POC1B: variants seen among roughly 807,000 people sequenced by gnomAD.
The protein encoded by POC1B is POC1 centriolar protein B.
In POC1B, 44 loss-of-function variants were observed where a neutral mutation model predicts 60.6. That is an observed-to-expected ratio of 0.73 (90% CI 0.57 to 0.93). POC1B has a LOEUF of 0.93. Ranked by LOEUF, POC1B falls within the 40% of genes least tolerant of loss-of-function variation. The pLI, the probability that POC1B is intolerant of heterozygous loss-of-function variation, is 0.00. For synonymous variants in POC1B, 180 were observed against 198.9 expected, an observed-to-expected ratio of 0.90 and a Z score of 0.80; for missense variants, 555 against 572.3, an observed-to-expected ratio of 0.97 and a Z score of 0.31.
chr12:89,522,033 A>C (rs1232601917), intron 2 of POC1B: 1 of 398,928 alleles, frequency 2.5e-6, no homozygotes, highest in African/African-American at 2.1e-5. Flanking sequence ...AACTTAAGGA[A>C]GTGCAATCAG....
chr12:89,482,708 C>T (rs537321224), intron 4 of POC1B, among the ~76,000 whole-genome samples: 3 of 152,134 alleles, frequency 2.0e-5, no homozygotes, highest in Non-Finnish European at 4.4e-5. Flanking sequence ...CACTGGGTAG[C>T]ATATAAACAA....
intron 2 of POC1B, among the ~76,000 whole-genome samples, chr12:89,509,203 A>G (rs1436613131): frequency 6.6e-6 from 1 of 152,188 alleles, no homozygotes; most frequent in Non-Finnish European, 1.5e-5. Flanking sequence ...TCATTTACTT[A>G]TTTTTATCAG....
intron 2 of POC1B, chr12:89,522,677 C>T: frequency 8.6e-7 from 1 of 1,168,072 alleles, no homozygotes. Context: ...CCAAAATGAA[C>T]CCCAGCTTTC....
intron 2 of POC1B, chr12:89,522,485 T>C (rs1276251020): frequency 2.9e-6 from 1 of 347,802 alleles, no homozygotes; most frequent in Non-Finnish European, 5.1e-6. Flanking sequence ...TCATTTTACT[T>C]GGACCTTTAC....
At position 89,499,006 on chromosome 12, in the gene POC1B, T is replaced by C. The variant is rs140138482; in HGVS notation, c.101-1664A>G. Among the ~76,000 whole-genome samples the C allele has an allele frequency of 8.6e-3, 1,302 of 152,180 alleles. 16 individuals carry two copies. The highest frequency in any genetic ancestry group is 0.014 in the Non-Finnish European group (950 of 68,016). ...CATTTGAGCAGAGAGGTGAGTGAAA[T>C]AGGGAGCGATCCTGGCTGAGACATG... On this transcript the variant is annotated intron_variant, in intron 2 of 11. Coordinates refer to ENST00000313546, the MANE Select transcript of POC1B (RefSeq NM_172240.3).
Position 89,421,516 on chromosome 12 carries a change from A to C in POC1B, c.1333-259T>G, listed in dbSNP as rs148724911. ...TTGAGAAAAAAAGCAGTGGAAGATCAGACCTCTTATGCCTGATCTTCTAAA... is the reference window on the plus strand; with the variant it reads ...TTGAGAAAAAAAGCAGTGGAAGATCCGACCTCTTATGCCTGATCTTCTAAA... On this transcript the variant is annotated intron_variant, in intron 11 of 11. Coordinates refer to ENST00000313546, the MANE Select transcript of POC1B (RefSeq NM_172240.3). Among the ~76,000 whole-genome samples, 288 of 152,350 alleles carry C rather than the reference A, an allele frequency of 1.9e-3. 1 individual carries two copies. Among genetic ancestry groups the C allele is most frequent in the African/African-American group, 6.6e-3 (274 of 41,586 alleles).
At chr12:89,416,494 C>T (rs1399105461), downstream of POC1B, among the ~76,000 whole-genome samples, 6 of 152,088 alleles carry the variant, frequency 3.9e-5, no homozygotes, top group Admixed American at 6.5e-5. Flanking sequence ...AAAATAACCT[C>T]GAAAAGGTAA....
At chr12:89,456,006 TTTGTTGTTGTTGTTGTTG>T (rs57046085) in intron 10 of POC1B, among the ~76,000 whole-genome samples, 2 of 148,206 alleles carry the variant, frequency 1.3e-5, no homozygotes, top group African/African-American at 5.0e-5. Context: ...AAAACTCTTT[TTTGTTGTTGTTGTTGTTG>T]TTGTTGTTGT....
At chr12:89,501,664 C>T (rs924656788) in intron 2 of POC1B, 27 of 1,113,242 alleles carry the variant, frequency 2.4e-5, no homozygotes, top group South Asian at 3.9e-5. Flanking sequence ...CACGAGAAGT[C>T]GAAGAATTTC....
At chr12:89,440,016 T>A (rs1881443966) in intron 10 of POC1B, among the ~76,000 whole-genome samples, 1 of 152,206 alleles carries the variant, frequency 6.6e-6, no homozygotes, top group Admixed American at 6.5e-5. Context: ...ACATTCATAC[T>A]TTCACAGTTT....
intron 10 of POC1B, among the ~76,000 whole-genome samples, chr12:89,447,429 T>C (rs1405942286): frequency 6.6e-6 from 1 of 152,198 alleles, no homozygotes; most frequent in African/African-American, 2.4e-5. Flanking sequence ...GTAATTTTAC[T>C]GTGTACGGAA....
chr12:89,417,280 A>G (rs1880379531), downstream of POC1B, among the ~76,000 whole-genome samples: 1 of 152,250 alleles, frequency 6.6e-6, no homozygotes, highest in Non-Finnish European at 1.5e-5. Flanking sequence ...AACTCAGAGT[A>G]AGTGGTCATA....
chr12:89,432,383 TAAAAAAAAAAAA>T (rs57839375), intron 10 of POC1B, among the ~76,000 whole-genome samples: 3 of 32,014 alleles, frequency 9.4e-5, no homozygotes, highest in African/African-American at 1.3e-4. Context: ...CTCTGTTTCT[TAAAAAAAAAAAA>T]AAAAAAAAAA....
chr12:89,464,378 AAGTAG>A (rs1268497113), intron 9 of POC1B, among the ~76,000 whole-genome samples: 7 of 152,070 alleles, frequency 4.6e-5, no homozygotes, highest in African/African-American at 1.7e-4. Flanking sequence ...TATTAATTTG[AAGTAG>A]AGTCTTTAAA....
chr12:89,437,618 GTTTC>G (rs979856142), intron 10 of POC1B, among the ~76,000 whole-genome samples: 5 of 138,068 alleles, frequency 3.6e-5, no homozygotes, highest in African/African-American at 1.4e-4. Flanking sequence ...CCACCATATA[GTTTC>G]TTTATTTAAA....
chr12:89,515,158 C>T (rs1870385915), intron 2 of POC1B, among the ~76,000 whole-genome samples: 1 of 152,128 alleles, frequency 6.6e-6, no homozygotes, highest in Non-Finnish European at 1.5e-5. Context: ...ATTAACTCAA[C>T]AGATATGTGA....
At chr12:89,521,098 A>ATTTTTTTTTTTTTTTTTTTT (rs201411448) in intron 2 of POC1B, 1 of 113,248 alleles carries the variant, frequency 8.8e-6, no homozygotes. Flanking sequence ...CAGCTCACTT[A>ATTTTTTTTTTTTTTTTTTTT]TTTTATTATT....
intron 4 of POC1B, 80 bp from the exon 5 acceptor site, chr12:89,472,355 C>G: frequency 1.1e-6 from 1 of 914,934 alleles, no homozygotes; most frequent in South Asian, 1.5e-5. Context: ...ACAAATAAAC[C>G]AGGCTGTAAA....
chr12:89,443,327 T>G (rs868224967), intron 10 of POC1B, among the ~76,000 whole-genome samples: 4 of 152,340 alleles, frequency 2.6e-5, no homozygotes, highest in Non-Finnish European at 4.4e-5. Flanking sequence ...ATTGCACTTA[T>G]TCCAAAATTG....
Sources: gnomAD v4.1 joint callset for allele counts (sites outside exome capture counted in the v4.1 genomes callset) on GRCh38, gnomAD v4.1.1 for gene constraint, MANE v1.5 for transcripts, NCBI Gene and HGNC (gene_info 2026-07-23, HGNC 2026-07-21) for gene names.